The following FBXO4 variants were observed in gnomAD, a reference collection of about 807,000 sequenced individuals.
FBXO4 encodes F-box only protein 4.
In FBXO4, 36 loss-of-function variants were observed where a neutral mutation model predicts 43.7. That is an observed-to-expected ratio of 0.82 (90% confidence interval 0.63 to 1.09). FBXO4 has a LOEUF of 1.09. FBXO4 is among the 50% of genes least tolerant of loss of function. The pLI, the probability that FBXO4 is intolerant of heterozygous loss-of-function variation, is 0.00. For missense variants in FBXO4, 435 were observed against 474.1 expected, an observed-to-expected ratio of 0.92 and a Z score of 0.77; for synonymous variants, 180 against 165.6, an observed-to-expected ratio of 1.09 and a Z score of -0.67.
the FBXO4 span, among the ~76,000 whole-genome samples, chr5:42,001,805 C>T: frequency 6.6e-6 from 1 of 152,078 alleles, no homozygotes; most frequent in East Asian, 1.9e-4. Context: ...AATTCTCCTG[C>T]TCAGCCTCCC....
At chr5:41,930,150 T>C in intron 3 of FBXO4, 2 of 462,774 alleles carry the variant, frequency 4.3e-6, no homozygotes, top group South Asian at 8.0e-5. Context: ...TATGTGAAAA[T>C]AAATTATTTG....
chr5:41,949,364 G>C, the FBXO4 span, among the ~76,000 whole-genome samples: 1 of 152,180 alleles, frequency 6.6e-6, no homozygotes, highest in Non-Finnish European at 1.5e-5. Context: ...AGCAACTTCA[G>C]CAAAGTCTCA....
the FBXO4 span, among the ~76,000 whole-genome samples, chr5:42,008,300 A>AC: frequency 6.6e-6 from 1 of 152,080 alleles, no homozygotes; most frequent in Non-Finnish European, 1.5e-5. Context: ...CATGACTCTG[A>AC]CCCTTGTTTT....
chr5:41,954,539 T>C, the FBXO4 span, among the ~76,000 whole-genome samples: 1 of 152,228 alleles, frequency 6.6e-6, no homozygotes, highest in Non-Finnish European at 1.5e-5. Flanking sequence ...CATCTACAGC[T>C]GGCCAATCCC....
the FBXO4 span, among the ~76,000 whole-genome samples, chr5:42,022,572 T>C: frequency 3.3e-5 from 5 of 152,104 alleles, no homozygotes; most frequent in African/African-American, 1.2e-4. Flanking sequence ...AGGCTCACCA[T>C]TGAAGTTCTG....
chr5:41,949,668 C>T, the FBXO4 span, among the ~76,000 whole-genome samples: 1 of 152,226 alleles, frequency 6.6e-6, no homozygotes, highest in South Asian at 2.1e-4. Context: ...CAATGCTATC[C>T]CAATCAAGCT....
the FBXO4 span, among the ~76,000 whole-genome samples, chr5:41,985,589 T>TA: frequency 6.6e-6 from 1 of 152,270 alleles, no homozygotes; most frequent in South Asian, 2.1e-4. Context: ...GGCTTAGTGT[T>TA]AGAGTCTGTG....
intron 6 of FBXO4, 143 bp downstream of exon 6, chr5:41,939,759 T>C (rs1160818418): frequency 1.6e-6 from 1 of 626,302 alleles, no homozygotes; most frequent in Non-Finnish European, 2.6e-6. Flanking sequence ...GCTATTTGAT[T>C]GGTGATAATA....
the FBXO4 span, among the ~76,000 whole-genome samples, chr5:41,964,415 A>T: frequency 6.6e-6 from 1 of 150,692 alleles, no homozygotes. Context: ...GTGTTTTAAT[A>T]AAAAAAAACC....
chr5:42,000,448 T>C, the FBXO4 span, among the ~76,000 whole-genome samples: 4 of 152,242 alleles, frequency 2.6e-5, no homozygotes, highest in Non-Finnish European at 5.9e-5. Context: ...TTACTTGTTT[T>C]TGAGATATTG....
At chr5:42,035,246 T>C in the FBXO4 span, among the ~76,000 whole-genome samples, 1 of 152,058 alleles carries the variant, frequency 6.6e-6, no homozygotes, top group Admixed American at 6.6e-5. Flanking sequence ...TTTCTAAATG[T>C]AGAAGGGGAA....
chr5:42,024,806 T>C, the FBXO4 span, among the ~76,000 whole-genome samples: 11 of 152,054 alleles, frequency 7.2e-5, no homozygotes, highest in Non-Finnish European at 1.5e-4. Context: ...ACAAATGATG[T>C]CTTTCTGTTC....
At chr5:41,976,845 G>T in the FBXO4 span, among the ~76,000 whole-genome samples, 1 of 152,180 alleles carries the variant, frequency 6.6e-6, no homozygotes, top group African/African-American at 2.4e-5. Flanking sequence ...CTCTTCACAC[G>T]GCCCTAGTAG....
At chr5:41,992,945 G>A in the FBXO4 span, among the ~76,000 whole-genome samples, 2 of 152,292 alleles carry the variant, frequency 1.3e-5, no homozygotes, top group East Asian at 3.9e-4. Context: ...TCAACTGTAA[G>A]TCATGCTCTT....
chr5:41,970,462 G>T, the FBXO4 span, among the ~76,000 whole-genome samples: 427 of 151,876 alleles, frequency 2.8e-3, 1 homozygote, highest in African/African-American at 8.9e-3. Flanking sequence ...AGAAATTATA[G>T]AAAATGTAAT....
At chr5:41,935,166 T>C in intron 5 of FBXO4, 13 of 981,658 alleles carry the variant, frequency 1.3e-5, no homozygotes, top group Non-Finnish European at 1.6e-5. Context: ...AAAACAGATA[T>C]AGCCCCTACT....
chr5:42,006,887 GATATATATATATATAT>G, the FBXO4 span, among the ~76,000 whole-genome samples: 574 of 79,116 alleles, frequency 7.3e-3, 22 homozygotes, highest in African/African-American at 0.033. Context: ...GGTTCATGCT[GATATATATATATATAT>G]ATATATATAT....
the FBXO4 span, among the ~76,000 whole-genome samples, chr5:42,023,147 G>A: frequency 6.6e-6 from 1 of 151,984 alleles, no homozygotes; most frequent in South Asian, 2.1e-4. Context: ...CGAATACGTG[G>A]GCAACCTGGG....
the FBXO4 span, among the ~76,000 whole-genome samples, chr5:41,994,740 C>T: frequency 6.6e-6 from 1 of 152,172 alleles, no homozygotes; most frequent in Non-Finnish European, 1.5e-5. Context: ...CCCAAAATGT[C>T]CAGGTGGCAA....
Sources: allele counts gnomAD v4.1 joint callset (sites outside exome capture counted in the v4.1 genomes callset), GRCh38; gene constraint gnomAD v4.1.1; transcripts MANE v1.5; gene names NCBI Gene and HGNC (gene_info 2026-07-23, HGNC 2026-07-21).